The following LPA variants were observed in gnomAD, a reference collection of about 807,000 sequenced individuals.
LPA encodes the protein lipoprotein(a), also known as apolipoprotein(a).
In LPA, 199 loss-of-function variants were observed where a neutral mutation model predicts 197.9. The observed-to-expected ratio is 1.01, with a 90% CI of 0.90 to 1.13. The LOEUF is 1.13. Among genes scored for constraint, LPA ranks in the 50% most tolerant of loss-of-function variants. The pLI is 0.00. For missense variants in LPA, 1,853 were observed against 1,785.8 expected (o/e 1.04, Z -0.68); for synonymous variants, 715 against 639.5 (o/e 1.12, Z -1.78).
intron 24 of LPA, among the ~76,000 whole-genome samples, chr6:160,588,813 G>A (rs1008484169): frequency 6.6e-6 from 1 of 152,188 alleles, no homozygotes; most frequent in African/African-American, 2.4e-5. Context: ...AGGAAGACAG[G>A]TTAATGATGA....
chr6:160,592,793 C>A (rs374966555), intron 22 of LPA, among the ~76,000 whole-genome samples: 12 of 152,246 alleles, frequency 7.9e-5, no homozygotes, highest in South Asian at 6.2e-4. Flanking sequence ...TTCTAGGAAT[C>A]CGAAGATCCT....
At chr6:160,578,937 C>G (rs995987062) in intron 26 of LPA, among the ~76,000 whole-genome samples, 3 of 152,140 alleles carry the variant, frequency 2.0e-5, no homozygotes, top group Non-Finnish European at 4.4e-5. Context: ...AGTATATGCT[C>G]TCTATGAAAA....
At position 160,565,626 on chromosome 6, in the gene LPA, G is replaced by A. The variant is rs574000287; in HGVS notation, c.4632-8055C>T. On this transcript the variant is annotated intron_variant, in intron 28 of 38. Coordinates refer to ENST00000316300, the MANE Select transcript of LPA (RefSeq NM_005577.4). ...AAAATCAGGGTGCCTCTTCTCCTCC[G>A]AAGGAACGCAGCTCCTCACGAGCAA... Among the ~76,000 whole-genome samples, 354 of 152,276 alleles carry A rather than the reference G, an allele frequency of 2.3e-3. 1 individual carries two copies. Among genetic ancestry groups the A allele is most frequent in the African/African-American group, 8.0e-3 (331 of 41,552 alleles).
intron 1 of LPA, among the ~76,000 whole-genome samples, chr6:160,657,176 G>C (rs903109239): frequency 1.3e-5 from 2 of 152,124 alleles, no homozygotes; most frequent in African/African-American, 4.8e-5. Flanking sequence ...TACAGGTGCT[G>C]CTCTCACAAA....
At chr6:160,587,930 T>G (rs1349350597) in intron 24 of LPA, among the ~76,000 whole-genome samples, 3 of 152,166 alleles carry the variant, frequency 2.0e-5, no homozygotes, top group African/African-American at 7.2e-5. Flanking sequence ...TCATTAGAGA[T>G]GTACCTTTTC....
At chr6:160,547,632 C>T (rs568633505) in intron 32 of LPA, among the ~76,000 whole-genome samples, 157 bp downstream of exon 32, 13 of 152,292 alleles carry the variant, frequency 8.5e-5, no homozygotes, top group South Asian at 4.2e-4. Flanking sequence ...AACCCCCACA[C>T]GCGTGGGGCT....
At chr6:160,549,708 G>C (rs1016552535) in intron 30 of LPA, among the ~76,000 whole-genome samples, 1 of 152,220 alleles carries the variant, frequency 6.6e-6, no homozygotes, top group Non-Finnish European at 1.5e-5. Context: ...GGAAGACTAG[G>C]TCCCAGGCAG....
In LPA at chr6:160,599,643, G is replaced by C. The variant is rs117488709; in HGVS notation, c.3144C>G (p.Thr1048=). 2 of 1,613,810 alleles carry C rather than the reference G, an allele frequency of 1.2e-6. No homozygotes were observed. Among genetic ancestry groups the C allele is most frequent in the African/African-American group, 2.7e-5 (2 of 74,860 alleles). Residue 1048 remains threonine, a synonymous_variant, in exon 20 of 39, where the codon ACC becomes ACG. Transcript: ENST00000316300. ...GGTAGTAGCAGTCCTGTACCCCGGG[G>C]GTTTCCTCAGTCAGTGCTGAAATTA... The part of the protein sequence containing the change: ...AFFEQALTEE[T]PGVQDCYYHY...
rs138351751 is a variant in LPA, at chr6:160,647,199, A to C, written c.210-804T>G. On this transcript the variant is annotated intron_variant, in intron 2 of 38. Coordinates refer to ENST00000316300, the MANE Select transcript of LPA (RefSeq NM_005577.4). Reference sequence around the variant, plus strand: ...TTGAAAGAACAGTGGGTCCCATGGCATAAAGGAAGATGGCAGGAAGACTAA... The same window carrying C: ...TTGAAAGAACAGTGGGTCCCATGGCCTAAAGGAAGATGGCAGGAAGACTAA... Among the ~76,000 whole-genome samples, 315 of 152,298 alleles carry C rather than the reference A, an allele frequency of 2.1e-3. 2 individuals are homozygous for C. The highest frequency in any genetic ancestry group is 7.2e-3 in the African/African-American group (301 of 41,568).
chr6:160,585,501 T>C (rs909982808), intron 25 of LPA, among the ~76,000 whole-genome samples: 2 of 152,142 alleles, frequency 1.3e-5, no homozygotes, highest in African/African-American at 4.8e-5. Context: ...GTCTTTTGCT[T>C]ACACCTCTTC....
At chr6:160,578,422 C>T (rs1286189968) in intron 27 of LPA, 101 bp downstream of exon 27, 11 of 1,479,820 alleles carry the variant, frequency 7.4e-6, no homozygotes, top group African/African-American at 1.4e-5. Context: ...ATTGCAGACC[C>T]TCAACCAACC....
At chr6:160,605,281 A>G in intron 17 of LPA, 76 bp from the exon 18 acceptor site, 1 of 1,556,502 alleles carries the variant, frequency 6.4e-7, no homozygotes, top group Non-Finnish European at 8.8e-7. Flanking sequence ...TATGGCACAA[A>G]CCAGAAAAAA....
At position 160,539,900 on chromosome 6, in the gene LPA, T is replaced by G. The variant is rs551302316; in HGVS notation, c.5735+143A>C. 2.7e-6 allele frequency: 3 copies of G among 1,104,128 alleles called. No homozygotes were observed. In the South Asian group the frequency reaches 3.9e-5, roughly 14 times the overall value. The allele number at this position is 1,104,128 out of a possible 1,614,324, so 68.4% of individuals were successfully genotyped here. A position where few individuals can be genotyped will look rare whatever the true frequency, so the allele number is the denominator to read the frequency against. Reference sequence around the variant, plus strand: ...ATGTGGCAGGGCTGGGGTTGAAGATTGATGCTGTCCCCAAAGCCCTTGAGC... The same window carrying G: ...ATGTGGCAGGGCTGGGGTTGAAGATGGATGCTGTCCCCAAAGCCCTTGAGC... On this transcript the variant is annotated intron_variant, in intron 36 of 38. Coordinates refer to ENST00000316300, the MANE Select transcript of LPA (RefSeq NM_005577.4).
At chr6:160,576,521 A>G (rs1778682058) in intron 28 of LPA, among the ~76,000 whole-genome samples, 1 of 144,698 alleles carries the variant, frequency 6.9e-6, no homozygotes, top group Non-Finnish European at 1.5e-5. Flanking sequence ...ATGTTATATT[A>G]AAATATATAA....
intron 21 of LPA, among the ~76,000 whole-genome samples, chr6:160,594,793 T>G (rs910778682): frequency 2.4e-4 from 37 of 152,120 alleles, no homozygotes; most frequent in African/African-American, 8.9e-4. Flanking sequence ...ATCCCTCCCA[T>G]CAAAGCCTAG....
Position 160,602,522 on chromosome 6 carries a change from AGAAATTT to A in LPA, c.2946-1431_2946-1425del, listed in dbSNP as rs1270049099. ...AGTCAACTCTCATTTAAAAAGATAT[AGAAATTT>A]GATCAAGAAAATATTTTGCATTTAC... On this transcript the variant is annotated intron_variant, in intron 18 of 38. Coordinates refer to ENST00000316300, the MANE Select transcript of LPA (RefSeq NM_005577.4). 2.6e-5 allele frequency among the ~76,000 whole-genome samples: 4 copies of A among 152,208 alleles called. No individual in the cohort carries two copies. The East Asian group carries it at 5.8e-4, about 22-fold the overall frequency.
intron 25 of LPA, among the ~76,000 whole-genome samples, chr6:160,585,606 T>A (rs966828062): frequency 3.9e-5 from 6 of 152,106 alleles, no homozygotes; most frequent in Admixed American, 1.3e-4. Context: ...GGGGTATACA[T>A]GAAACCCTTG....
At position 160,548,602 on chromosome 6, in the gene LPA, A is replaced by G. The variant is rs764107134; in HGVS notation, c.5031T>C (p.Phe1677=). ...NPDADTGPWC[F]TMDPSIRWEY... Reference sequence around the variant, plus strand: ...CCCACCTGATGCTGGGGTCCATGGTAAAACACCAAGGGCCTGTATCGGCAT... The same window carrying G: ...CCCACCTGATGCTGGGGTCCATGGTGAAACACCAAGGGCCTGTATCGGCAT... Residue 1677 remains phenylalanine (F), a synonymous_variant, in exon 31 of 39, where the codon TTT becomes TTC. Coordinates refer to ENST00000316300, the MANE Select transcript of LPA (RefSeq NM_005577.4). The G allele has an allele frequency of 2.5e-6, 4 of 1,614,068 alleles. No individual in the cohort carries two copies. Among genetic ancestry groups the G allele is most frequent in the Non-Finnish European group, 3.4e-6 (4 of 1,179,972 alleles).
At chr6:160,583,850 G>A (rs569922843) in intron 26 of LPA, among the ~76,000 whole-genome samples, 2 of 152,218 alleles carry the variant, frequency 1.3e-5, no homozygotes, top group East Asian at 3.9e-4. Context: ...GTCTAGGAAG[G>A]GTAATTATGG....
Sources: allele counts gnomAD v4.1 joint callset (sites outside exome capture counted in the v4.1 genomes callset), GRCh38; gene constraint gnomAD v4.1.1; transcripts MANE v1.5; gene names NCBI Gene and HGNC (gene_info 2026-07-23, HGNC 2026-07-21).